Variants in SHISA6 observed in about 807,000 individuals in gnomAD.
SHISA6 encodes shisa family member 6.
Under a neutral mutation model 47.9 loss-of-function variants are expected in SHISA6, and 22 were observed. The ratio of observed to expected loss-of-function variants is 0.46; its 90% CI spans 0.33 to 0.66. The LOEUF (loss-of-function observed/expected upper bound fraction) is 0.66, where lower values mean the gene tolerates loss of function less well. Among genes scored for constraint, SHISA6 ranks in the 30% least tolerant of loss-of-function variants. The probability of loss-of-function intolerance (pLI) is 0.02; values close to 1 mark genes in which losing one functional copy is unlikely to be tolerated. For missense variants in SHISA6, 680 were observed against 764.6 expected, an observed-to-expected ratio of 0.89 and a Z score of 1.30; for synonymous variants, 388 against 337.8, an observed-to-expected ratio of 1.15 and a Z score of -1.63.
chr17:11,264,369 C>T (rs574811884), intron 2 of SHISA6, among the ~76,000 whole-genome samples: 3 of 152,262 alleles, frequency 2.0e-5, no homozygotes, highest in South Asian at 4.2e-4. Context: ...CCCAAGGTCA[C>T]ATGATTAGTA....
chr17:11,438,979 G>C (rs1041738271), intron 3 of SHISA6, among the ~76,000 whole-genome samples: 1 of 152,108 alleles, frequency 6.6e-6, no homozygotes, highest in African/African-American at 2.4e-5. Flanking sequence ...GGCAGGGAAA[G>C]AGACGGGAAG....
In SHISA6 at chr17:11,279,189, A is replaced by G. The variant is rs553775010; in HGVS notation, c.799+15663A>G. ...GCTTGCAGGTCTTCCTCGGGCCACA[A>G]CTTCAGCTCCAGGGCAACCAGAGAA... On this transcript the variant is annotated intron_variant, in intron 2 of 5. Transcript: ENST00000441885. 2.8e-4 allele frequency among the ~76,000 whole-genome samples: 43 copies of G among 152,282 alleles called. No homozygotes were observed. In the East Asian group the frequency reaches 6.6e-3, roughly 23 times the overall value.
intron 3 of SHISA6, among the ~76,000 whole-genome samples, chr17:11,384,343 A>G (rs1416923039): frequency 6.6e-6 from 1 of 152,208 alleles, no homozygotes; most frequent in Non-Finnish European, 1.5e-5. Flanking sequence ...ATTTTGCAAG[A>G]CAGGAAGTCA....
intron 3 of SHISA6, among the ~76,000 whole-genome samples, chr17:11,470,871 C>G (rs1035855394): frequency 6.6e-6 from 1 of 152,024 alleles, no homozygotes; most frequent in Non-Finnish European, 1.5e-5. Flanking sequence ...AATGCAGTCC[C>G]CAGGGTCTGA....
At chr17:11,417,436 G>A (rs575654544) in intron 3 of SHISA6, among the ~76,000 whole-genome samples, 32 of 152,088 alleles carry the variant, frequency 2.1e-4, no homozygotes, top group Non-Finnish European at 4.4e-4. Flanking sequence ...ATTACCACCC[G>A]ATAACCAGCT....
intron 3 of SHISA6, among the ~76,000 whole-genome samples, chr17:11,549,408 G>C (rs1207888283): frequency 6.8e-6 from 1 of 147,382 alleles, no homozygotes; most frequent in East Asian, 2.1e-4. Context: ...GACATATATT[G>C]TTTGTGACTT....
intron 3 of SHISA6, among the ~76,000 whole-genome samples, chr17:11,489,272 G>A (rs1207714468): frequency 6.6e-6 from 1 of 152,114 alleles, no homozygotes; most frequent in East Asian, 1.9e-4. Flanking sequence ...CTGCTTTCAT[G>A]TTGTTCTCCT....
intron 1 of SHISA6, among the ~76,000 whole-genome samples, chr17:11,256,598 C>A (rs1357127990): frequency 1.3e-5 from 2 of 152,178 alleles, no homozygotes; most frequent in African/African-American, 4.8e-5. Context: ...ACTCATCTGT[C>A]CCCTGGTTGA....
chr17:11,474,475 T>C (rs759936908), intron 3 of SHISA6, among the ~76,000 whole-genome samples: 10 of 151,930 alleles, frequency 6.6e-5, no homozygotes, highest in Non-Finnish European at 1.2e-4. Flanking sequence ...TTTTGTCAGA[T>C]GGATAGATTG....
At chr17:11,268,443 T>G (rs540953049) in intron 2 of SHISA6, among the ~76,000 whole-genome samples, 1 of 152,298 alleles carries the variant, frequency 6.6e-6, no homozygotes, top group Admixed American at 6.5e-5. Context: ...CACACTAGTC[T>G]TCTCCAGACA....
chr17:11,383,887 C>T (rs1004414222), intron 3 of SHISA6, among the ~76,000 whole-genome samples: 28 of 152,144 alleles, frequency 1.8e-4, no homozygotes, highest in African/African-American at 5.8e-4. Context: ...GATCACTCAG[C>T]CCCCAACACT....
At chr17:11,285,721 A>G (rs925809694) in intron 2 of SHISA6, among the ~76,000 whole-genome samples, 7 of 152,180 alleles carry the variant, frequency 4.6e-5, no homozygotes, top group Admixed American at 4.6e-4. Context: ...GACACAGATT[A>G]GCGTAGCTGG....
At chr17:11,532,785 A>C (rs2071748203) in intron 3 of SHISA6, among the ~76,000 whole-genome samples, 1 of 117,276 alleles carries the variant, frequency 8.5e-6, no homozygotes, top group Non-Finnish European at 1.6e-5. Context: ...CAGCTCCTGC[A>C]GGCTTCCTCA....
chr17:11,391,221 T>C (rs921058941), intron 3 of SHISA6, among the ~76,000 whole-genome samples: 1 of 151,140 alleles, frequency 6.6e-6, no homozygotes, highest in Non-Finnish European at 1.5e-5. Flanking sequence ...CTGTAGAGGG[T>C]GGGCAGGAAG....
Position 11,555,804 on chromosome 17 carries a change from C to T in SHISA6, c.1017C>T (p.Arg339=). The change falls in exon 5 of 6, where the codon CGC becomes CGT. Residue 339 remains arginine, a synonymous_variant. Coordinates refer to ENST00000441885, the MANE Select transcript of SHISA6 (RefSeq NM_207386.4). ...ATEPYDLSFS[R]SFQNLAHLPP... is the part of the protein sequence containing the mutation. The stretch of plus-strand genomic sequence containing the variant: ...AGCCCTATGACCTCTCCTTCTCCCG[C>T]TCGTTCCAGAACTTGGCCCACCTGC... 1 of 1,551,930 alleles carries T rather than the reference C, an allele frequency of 6.4e-7. No individual in the cohort carries two copies. The highest frequency in any genetic ancestry group is 8.7e-7 in the Non-Finnish European group (1 of 1,146,960).
At chr17:11,514,841 G>A (rs1567626304) in intron 3 of SHISA6, among the ~76,000 whole-genome samples, 1 of 152,220 alleles carries the variant, frequency 6.6e-6, no homozygotes, top group Non-Finnish European at 1.5e-5. Flanking sequence ...TATAGCAGCA[G>A]CCTCAACTAA....
intron 2 of SHISA6, among the ~76,000 whole-genome samples, chr17:11,368,504 A>G (rs12940589): frequency 0.49 from 74,955 of 151,968 alleles, 18,907 homozygotes; most frequent in African/African-American, 0.58. Context: ...TCTCCCTGGA[A>G]TATTTTGAAA....
intron 3 of SHISA6, among the ~76,000 whole-genome samples, chr17:11,455,146 G>A (rs1915502699): frequency 6.6e-6 from 1 of 152,080 alleles, no homozygotes; most frequent in South Asian, 2.1e-4. Context: ...TCCAGCCTGG[G>A]CGACAGAGCA....
At chr17:11,471,489 A>G (rs1915934626) in intron 3 of SHISA6, among the ~76,000 whole-genome samples, 1 of 152,192 alleles carries the variant, frequency 6.6e-6, no homozygotes, top group South Asian at 2.1e-4. Context: ...ACTCTCCAAC[A>G]TGCTGGTCTC....
Sources: gnomAD v4.1 joint callset for allele counts (sites outside exome capture counted in the v4.1 genomes callset) on GRCh38, gnomAD v4.1.1 for gene constraint, MANE v1.5 for transcripts, NCBI Gene and HGNC (gene_info 2026-07-23, HGNC 2026-07-21) for gene names.